Variants in CACYBP observed in about 807,000 individuals in gnomAD.
The protein encoded by CACYBP is calcyclin binding protein.
CACYBP carries 11 observed loss-of-function variants against 29.6 expected under a neutral mutation model. The observed-to-expected ratio is 0.37, with a 90% CI of 0.23 to 0.61. The LOEUF is 0.61. CACYBP is among the 20% of genes least tolerant of loss of function. The pLI is 0.65. For synonymous variants in CACYBP, 73 were observed against 88.3 expected (o/e 0.83, Z 0.97); for missense variants, 163 against 260.7 (o/e 0.63, Z 2.58).
chr1:175,011,041 C>T lies in CACYBP; in HGVS notation c.*962C>T, dbSNP rs528090675. 6.8e-6 allele frequency: 1 copy of T among 147,632 alleles called. No homozygotes were observed. The highest frequency in any genetic ancestry group is 6.9e-5 in the Admixed American group (1 of 14,580). The allele number at this position is 147,632 out of a possible 1,614,324, so 9.1% of individuals were successfully genotyped here. ...ATCACTTCAGCCCAGGAGTTTAAGG[C>T]TGCAGTGAGCTATGATGATGCCACT... On this transcript the variant is annotated 3_prime_UTR_variant, in exon 6 of 6. Coordinates refer to ENST00000367679, the MANE Select transcript of CACYBP (RefSeq NM_014412.3).
At chr1:175,008,048 T>A (rs1279013460) in intron 4 of CACYBP, among the ~76,000 whole-genome samples, 2 of 152,166 alleles carry the variant, frequency 1.3e-5, no homozygotes, top group Non-Finnish European at 2.9e-5. Flanking sequence ...ATAGGTAGAG[T>A]ACCAAAAGAT....
Position 174,999,991 on chromosome 1 carries a change from C to G in CACYBP, c.-190C>G, listed in dbSNP as rs988128180. The G allele has an allele frequency of 2.6e-5, 20 of 777,366 alleles. No individual in the cohort carries two copies. Among genetic ancestry groups the G allele is most frequent in the Admixed American group, 1.1e-4 (4 of 37,430 alleles). 48.2% of individuals were successfully genotyped at this position (777,366 alleles called of 1,614,324 possible). A position where few individuals can be genotyped will look rare whatever the true frequency, so the allele number is the denominator to read the frequency against. ...CGGTGGGCGGTGGCGGCGGCTGCCT[C>G]GCGAAGGTTCGAGATCCGTCGCGTG... On this transcript the variant is annotated 5_prime_UTR_variant, in exon 1 of 6. Transcript: ENST00000367679.
upstream of CACYBP, chr1:174,999,827 C>A: frequency 2.3e-6 from 1 of 440,256 alleles, no homozygotes; most frequent in Non-Finnish European, 4.1e-6. Flanking sequence ...ATTGCCGGTT[C>A]GCTCGCGAGA....
intron 2 of CACYBP, among the ~76,000 whole-genome samples, chr1:175,005,597 T>TAG (rs1284501191): frequency 2.0e-5 from 3 of 152,166 alleles, no homozygotes; most frequent in African/African-American, 7.2e-5. Context: ...AGAATGTGAA[T>TAG]AGAGAGTTGG....
At chr1:175,004,339 A>G (rs1672562448) in intron 1 of CACYBP, among the ~76,000 whole-genome samples, 1 of 152,220 alleles carries the variant, frequency 6.6e-6, no homozygotes, top group South Asian at 2.1e-4. Flanking sequence ...TTTCTTGTAA[A>G]TATTTTAAAA....
chr1:175,009,380 T>G (rs1456404251), intron 5 of CACYBP, among the ~76,000 whole-genome samples: 1 of 152,166 alleles, frequency 6.6e-6, no homozygotes, highest in African/African-American at 2.4e-5. Context: ...GTGGGGTGGC[T>G]CACGCCTGTA....
chr1:175,004,625 T>C lies in CACYBP; in HGVS notation c.27T>C (p.Asp9=). 6.3e-7 allele frequency: 1 copy of C among 1,598,530 alleles called. No individual in the cohort carries two copies. The highest frequency in any genetic ancestry group is 8.5e-7 in the Non-Finnish European group (1 of 1,173,876). MASEELQK[D]LEEVKVLLEK... is the part of the protein sequence containing the mutation. Reference sequence around the variant, plus strand: ...TTGTCTTAACACAGCTACAGAAAGATCTAGAAGAGGTAAAGGTGTTGCTGG... The same window carrying C: ...TTGTCTTAACACAGCTACAGAAAGACCTAGAAGAGGTAAAGGTGTTGCTGG... The change falls in exon 2 of 6, where the codon GAT becomes GAC. Residue 9 remains aspartate, a synonymous_variant. Transcript: ENST00000367679.
At chr1:175,003,906 C>T (rs1351656827) in intron 1 of CACYBP, among the ~76,000 whole-genome samples, 11 of 152,124 alleles carry the variant, frequency 7.2e-5, no homozygotes, top group Non-Finnish European at 1.3e-4. Flanking sequence ...AAAATGAGAA[C>T]GTGGTGGCTT....
intron 4 of CACYBP, 125 bp from the exon 5 acceptor site, chr1:175,008,484 C>A: frequency 1.7e-6 from 1 of 576,904 alleles, no homozygotes. Flanking sequence ...ACAAGTATTA[C>A]TGGCACCCAA....
rs558332839 is a variant in CACYBP, at chr1:175,004,109, G to C, written c.16-505G>C. 2.0e-5 allele frequency among the ~76,000 whole-genome samples: 3 copies of C among 152,178 alleles called. No individual in the cohort carries two copies. The South Asian group carries it at 6.2e-4, about 32-fold the overall frequency. Reference sequence around the variant, plus strand: ...TTTTTATGTGAGGTATTTGAGGTGGGAAGATAATGAAGACCAATCAGTGAC... The same window carrying C: ...TTTTTATGTGAGGTATTTGAGGTGGCAAGATAATGAAGACCAATCAGTGAC... On this transcript the variant is annotated intron_variant, in intron 1 of 5. Transcript: ENST00000367679.
At position 175,000,083 on chromosome 1, in the gene CACYBP, G is replaced by GCTC; in HGVS notation, c.-98_-97insCTC. On this transcript the variant is annotated 5_prime_UTR_variant, in exon 1 of 6. Coordinates refer to ENST00000367679, the MANE Select transcript of CACYBP (RefSeq NM_014412.3). ...CAGGCTGCAGCGCCGCGACTCGTGC[G>GCTC]GGTAGGCGTCTGCGCTCGGTTTGAG... 1 of 1,491,736 alleles carries GCTC rather than the reference G, an allele frequency of 6.7e-7. No homozygotes were observed. The highest frequency in any genetic ancestry group is 9.1e-7 in the Non-Finnish European group (1 of 1,093,078). 92.4% of individuals were successfully genotyped at this position (1,491,736 alleles called of 1,614,324 possible). A position where few individuals can be genotyped will look rare whatever the true frequency, so the allele number is the denominator to read the frequency against.
intron 1 of CACYBP, among the ~76,000 whole-genome samples, chr1:175,003,342 C>T (rs1247762579): frequency 2.0e-5 from 3 of 152,098 alleles, no homozygotes; most frequent in Non-Finnish European, 4.4e-5. Context: ...TGGTCTCGAA[C>T]CCCTAACCTC....
At chr1:175,006,619 T>G (rs971715561) in intron 2 of CACYBP, 126 bp from the exon 3 acceptor site, 6 of 556,250 alleles carry the variant, frequency 1.1e-5, no homozygotes, top group Admixed American at 6.9e-5. Context: ...TATTTCAAAT[T>G]TTTTCATGTT....
intron 1 of CACYBP, 136 bp downstream of exon 1, chr1:175,000,331 C>A: frequency 6.8e-7 from 1 of 1,463,336 alleles, no homozygotes; most frequent in South Asian, 1.4e-5. Context: ...GCCGCCTTCC[C>A]GGGGGACACC....
At chr1:175,007,218 T>C in intron 4 of CACYBP, 21 bp downstream of exon 4, 2 of 1,411,978 alleles carry the variant, frequency 1.4e-6, no homozygotes, top group Non-Finnish European at 2.0e-6. Flanking sequence ...TTTTTTTGAT[T>C]GTAATATTGT....
At chr1:175,009,855 A>T in intron 5 of CACYBP, 68 bp from the exon 6 acceptor site, 1 of 1,294,634 alleles carries the variant, frequency 7.7e-7, no homozygotes, top group Non-Finnish European at 1.1e-6. Context: ...GCCAGTGTTA[A>T]CAACCTGAAT....
chr1:175,011,681 G>T lies in CACYBP; in HGVS notation c.*1602G>T, dbSNP rs1352712635. ...CATGTAAAGATGCTCACCTTGTTCA[G>T]AAGAGAATAAACCAGTGTTTTTACC... is the stretch of plus-strand genomic sequence containing the variant. On this transcript the variant is annotated 3_prime_UTR_variant, in exon 6 of 6. Coordinates refer to ENST00000367679, the MANE Select transcript of CACYBP (RefSeq NM_014412.3). 2.0e-5 allele frequency: 3 copies of T among 152,188 alleles called. No individual in the cohort carries two copies. The highest frequency in any genetic ancestry group is 7.2e-5 in the African/African-American group (3 of 41,446). 9.4% of individuals were successfully genotyped at this position (152,188 alleles called of 1,614,324 possible).
rs1558322710 is a variant in CACYBP at position 174,999,973 on chromosome 1, C to A, written c.-208C>A. On this transcript the variant is annotated 5_prime_UTR_variant, in exon 1 of 6. Coordinates refer to ENST00000367679, the MANE Select transcript of CACYBP (RefSeq NM_014412.3). ...GCGGGCTGTGCGTGCTCGCGGTGGGCGGTGGCGGCGGCTGCCTCGCGAAGG... is the reference window on the plus strand; with the variant it reads ...GCGGGCTGTGCGTGCTCGCGGTGGGAGGTGGCGGCGGCTGCCTCGCGAAGG... 1.5e-6 allele frequency: 1 copy of A among 654,994 alleles called. No homozygotes were observed. Among genetic ancestry groups the A allele is most frequent in the Non-Finnish European group, 2.5e-6 (1 of 393,656 alleles). The allele number at this position is 654,994 out of a possible 1,614,324, so 40.6% of individuals were successfully genotyped here.
At position 175,007,162 on chromosome 1, in the gene CACYBP, T is replaced by C. The variant is rs1335893098; in HGVS notation, c.397T>C (p.Leu133=). 1 of 1,611,848 alleles carries C rather than the reference T, an allele frequency of 6.2e-7. No individual in the cohort carries two copies. Among genetic ancestry groups the C allele is most frequent in the East Asian group, 2.2e-5 (1 of 44,872 alleles). ...TTACTCCATGATTGTGAACAATCTC[T>C]TGAAACCCATCTCTGTGGAAGGCAG... The part of the protein sequence containing the change: ...KSYSMIVNNL[L]KPISVEGSSK... The change falls in exon 4 of 6, where the codon TTG becomes CTG. Residue 133 remains leucine, a synonymous_variant. Coordinates refer to ENST00000367679, the MANE Select transcript of CACYBP (RefSeq NM_014412.3).
Sources: allele counts gnomAD v4.1 joint callset (sites outside exome capture counted in the v4.1 genomes callset), GRCh38; gene constraint gnomAD v4.1.1; transcripts MANE v1.5; gene names NCBI Gene and HGNC (gene_info 2026-07-23, HGNC 2026-07-21).